PRKAR2B: variants seen among roughly 807,000 people sequenced by gnomAD.
PRKAR2B encodes the protein cAMP-dependent protein kinase type II-beta regulatory subunit.
PRKAR2B carries 14 observed loss-of-function variants against 49.9 expected under a neutral mutation model. The observed-to-expected ratio is 0.28, with a 90% CI of 0.19 to 0.44. PRKAR2B has a LOEUF of 0.44. Among genes scored for constraint, PRKAR2B ranks in the 20% least tolerant of loss-of-function variants. PRKAR2B has a pLI of 1.00. For missense variants in PRKAR2B, 393 were observed against 537.9 expected (o/e 0.73, Z 2.67); for synonymous variants, 196 against 197.7 (o/e 0.99, Z 0.07).
At chr7:107,054,078 G>T (rs536019985) in intron 1 of PRKAR2B, among the ~76,000 whole-genome samples, 60 of 152,276 alleles carry the variant, frequency 3.9e-4, no homozygotes, top group Non-Finnish European at 6.6e-4. Flanking sequence ...GCCGTGTGTG[G>T]TGGCTCACAG....
chr7:107,121,458 A>G (rs1229212738), intron 2 of PRKAR2B, among the ~76,000 whole-genome samples: 1 of 152,190 alleles, frequency 6.6e-6, no homozygotes, highest in Non-Finnish European at 1.5e-5. Flanking sequence ...TTGCATATGC[A>G]ATGTAAACTC....
At chr7:107,122,075 A>G in intron 3 of PRKAR2B, 71 bp downstream of exon 3, 1 of 1,112,210 alleles carries the variant, frequency 9.0e-7, no homozygotes, top group South Asian at 1.6e-5. Flanking sequence ...TAATCATAGA[A>G]AAGATTTAAC....
At chr7:107,150,245 A>G (rs1289894538) in intron 6 of PRKAR2B, among the ~76,000 whole-genome samples, 1 of 152,082 alleles carries the variant, frequency 6.6e-6, no homozygotes, top group African/African-American at 2.4e-5. Flanking sequence ...CGAGTTCTGT[A>G]TCTTTGAGGG....
At position 107,050,333 on chromosome 7, in the gene PRKAR2B, C is replaced by CTTTTTTT. The variant is rs57752789; in HGVS notation, c.307+5142_307+5148dup. On this transcript the variant is annotated intron_variant, in intron 1 of 10. Coordinates refer to ENST00000265717, the MANE Select transcript of PRKAR2B (RefSeq NM_002736.3). ...TTATTTTAGATAAGACAGTTACCAG[C>CTTTTTTT]TTTTTTTTTTTTTTTTTTTTTTTTT... 3.7e-3 allele frequency among the ~76,000 whole-genome samples: 253 copies of CTTTTTTT among 68,594 alleles called. 52 individuals carry two copies. Among genetic ancestry groups the CTTTTTTT allele is most frequent in the African/African-American group, 0.017 (239 of 13,958 alleles). The allele number at this position is 68,594 out of a possible 152,430, so 45.0% of individuals were successfully genotyped here.
Position 107,110,803 on chromosome 7 carries a change from G to A in PRKAR2B, c.344-11149G>A, listed in dbSNP as rs115511021. On this transcript the variant is annotated intron_variant, in intron 2 of 10. Transcript: ENST00000265717. ...CACTGTGGACCTTGGGTGAGTCTTT[G>A]AGACTTGCTGGCTTCAGGTGAGACT... Among the ~76,000 whole-genome samples the A allele has an allele frequency of 3.6e-3, 549 of 152,224 alleles. 4 individuals carry two copies. The highest frequency in any genetic ancestry group is 0.013 in the African/African-American group (522 of 41,550).
At chr7:107,065,925 T>C (rs1475521233) in intron 1 of PRKAR2B, among the ~76,000 whole-genome samples, 1 of 152,186 alleles carries the variant, frequency 6.6e-6, no homozygotes, top group Non-Finnish European at 1.5e-5. Context: ...TGGAGGATTT[T>C]TCTTGTAAGG....
intron 4 of PRKAR2B, 145 bp from the exon 5 acceptor site, chr7:107,140,702 A>G: frequency 5.7e-6 from 3 of 521,874 alleles, no homozygotes; most frequent in East Asian, 6.4e-5. Flanking sequence ...AAGAAAGACT[A>G]CTATGTATTT....
chr7:107,130,650 TCCAC>T (rs1296771337), intron 4 of PRKAR2B, among the ~76,000 whole-genome samples: 1 of 152,212 alleles, frequency 6.6e-6, no homozygotes, highest in East Asian at 1.9e-4. Context: ...GTTCATTCAA[TCCAC>T]GTTTGCCGAG....
chr7:107,132,949 A>G (rs962485702), intron 4 of PRKAR2B, among the ~76,000 whole-genome samples: 8 of 152,134 alleles, frequency 5.3e-5, no homozygotes, highest in Admixed American at 1.3e-4. Flanking sequence ...TCAGTAGGCC[A>G]TTTTCCTCCT....
chr7:107,096,952 A>G (rs1179743948), intron 2 of PRKAR2B, among the ~76,000 whole-genome samples: 1 of 152,100 alleles, frequency 6.6e-6, no homozygotes, highest in African/African-American at 2.4e-5. Context: ...TTTTGCATTA[A>G]GTGTGATGTG....
At chr7:107,076,577 A>G (rs1365346823) in intron 2 of PRKAR2B, among the ~76,000 whole-genome samples, 1 of 152,150 alleles carries the variant, frequency 6.6e-6, no homozygotes, top group African/African-American at 2.4e-5. Flanking sequence ...AAATCTTTGC[A>G]TTGACATTTA....
At chr7:107,045,296 C>G (rs942084744) in intron 1 of PRKAR2B, 82 bp downstream of exon 1, 10 of 1,225,910 alleles carry the variant, frequency 8.2e-6, no homozygotes, top group Non-Finnish European at 8.7e-6. Flanking sequence ...CGGATCTTGC[C>G]GCTTTGCGCA....
chr7:107,109,750 A>G (rs994331577), intron 2 of PRKAR2B, among the ~76,000 whole-genome samples: 2 of 152,176 alleles, frequency 1.3e-5, no homozygotes, highest in African/African-American at 2.4e-5. Flanking sequence ...CAAACTATGC[A>G]TCTATATTGA....
At chr7:107,111,069 A>G (rs1459034482) in intron 2 of PRKAR2B, among the ~76,000 whole-genome samples, 1 of 152,132 alleles carries the variant, frequency 6.6e-6, no homozygotes. Flanking sequence ...CACGCTAGGC[A>G]CCCTTCATCA....
intron 2 of PRKAR2B, among the ~76,000 whole-genome samples, chr7:107,084,699 C>G (rs1235638695): frequency 6.6e-6 from 1 of 151,434 alleles, no homozygotes. Flanking sequence ...TGGCTCACTG[C>G]AAGCTCCGCC....
intron 6 of PRKAR2B, 26 bp from the exon 7 acceptor site, chr7:107,150,896 T>C (rs750792439): frequency 1.5e-6 from 2 of 1,293,478 alleles, no homozygotes; most frequent in Non-Finnish European, 2.2e-6. Context: ...CCCATAAAAT[T>C]TACCCTTTAA....
intron 6 of PRKAR2B, 151 bp downstream of exon 6, chr7:107,146,612 C>G (rs1795899602): frequency 1.2e-6 from 1 of 843,418 alleles, no homozygotes; most frequent in Non-Finnish European, 1.8e-6. Context: ...CTGTAGGGCA[C>G]TAAGACTTCA....
At chr7:107,122,164 C>T (rs1049395136) in intron 3 of PRKAR2B, among the ~76,000 whole-genome samples, 160 bp downstream of exon 3, 2 of 152,154 alleles carry the variant, frequency 1.3e-5, no homozygotes, top group African/African-American at 2.4e-5. Flanking sequence ...ATAGCCTACT[C>T]CTGCTGTGAG....
intron 4 of PRKAR2B, among the ~76,000 whole-genome samples, chr7:107,140,551 C>T (rs898343238): frequency 3.3e-5 from 5 of 152,104 alleles, no homozygotes; most frequent in African/African-American, 1.2e-4. Context: ...GATTATATTT[C>T]ACAAGGTATA....
Sources: gnomAD v4.1 joint callset for allele counts (sites outside exome capture counted in the v4.1 genomes callset) on GRCh38, gnomAD v4.1.1 for gene constraint, MANE v1.5 for transcripts, NCBI Gene and HGNC (gene_info 2026-07-23, HGNC 2026-07-21) for gene names.